NHSL1: variants seen among roughly 807,000 people sequenced by gnomAD.
NHSL1 encodes NHS-like protein 1.
A neutral mutation model predicts 95.0 loss-of-function variants in NHSL1; 48 were observed. The observed-to-expected ratio is 0.51, with a 90% CI of 0.40 to 0.64. NHSL1 has a LOEUF of 0.64. Ranked by LOEUF, NHSL1 falls within the 30% of genes least tolerant of loss-of-function variation. The pLI is 0.00. For synonymous variants in NHSL1, 783 were observed against 833.9 expected (o/e 0.94, Z 1.05); for missense variants, 1,971 against 2,077.7 (o/e 0.95, Z 1.00).
chr6:138,556,420 A>G (rs368773881), intron 1 of NHSL1, among the ~76,000 whole-genome samples: 25 of 152,216 alleles, frequency 1.6e-4, no homozygotes, highest in African/African-American at 5.1e-4. Context: ...GTCATTGTAG[A>G]AAAATAACTA....
chr6:138,509,856 A>T (rs1781137808), intron 1 of NHSL1, among the ~76,000 whole-genome samples: 1 of 152,200 alleles, frequency 6.6e-6, no homozygotes, highest in Non-Finnish European at 1.5e-5. Context: ...TATACAAAAC[A>T]TTTCTAAATC....
chr6:138,644,732 C>A (rs1784995444), intron 1 of NHSL1, among the ~76,000 whole-genome samples: 1 of 151,790 alleles, frequency 6.6e-6, no homozygotes, highest in African/African-American at 2.4e-5. Flanking sequence ...ATGAAGGAGA[C>A]AAACGATAAA....
At chr6:138,669,211 C>T (rs2114754851) in intron 1 of NHSL1, among the ~76,000 whole-genome samples, 1 of 152,190 alleles carries the variant, frequency 6.6e-6, no homozygotes, top group East Asian at 1.9e-4. Context: ...GCGAACTGAA[C>T]ACAGATGTCA....
At chr6:138,578,110 C>T (rs1783998569) in intron 1 of NHSL1, among the ~76,000 whole-genome samples, 1 of 152,188 alleles carries the variant, frequency 6.6e-6, no homozygotes, top group Admixed American at 6.5e-5. Flanking sequence ...TAAACCCTGG[C>T]TTTAAAAGCC....
chr6:138,542,009 C>T (rs974883080), intron 1 of NHSL1, among the ~76,000 whole-genome samples: 1 of 152,196 alleles, frequency 6.6e-6, no homozygotes, highest in African/African-American at 2.4e-5. Flanking sequence ...TGTCCGCTCA[C>T]AACCCTGGAA....
intron 3 of NHSL1, among the ~76,000 whole-genome samples, chr6:138,469,665 C>T (rs1415995862): frequency 6.6e-6 from 1 of 152,176 alleles, no homozygotes; most frequent in Non-Finnish European, 1.5e-5. Context: ...GTTGAGGCTA[C>T]AGTGAACCGT....
At chr6:138,425,922 G>A (rs1323511093) in intron 7 of NHSL1, among the ~76,000 whole-genome samples, 4 of 151,166 alleles carry the variant, frequency 2.6e-5, no homozygotes, top group Non-Finnish European at 4.4e-5. Flanking sequence ...AAGAAAATGT[G>A]AGGGGTGGGG....
intron 2 of NHSL1, among the ~76,000 whole-genome samples, chr6:138,484,222 G>C (rs942227698): frequency 1.2e-4 from 19 of 152,302 alleles, no homozygotes; most frequent in African/African-American, 4.1e-4. Context: ...AGACAGAACA[G>C]ATGCCACAGG....
intron 1 of NHSL1, among the ~76,000 whole-genome samples, chr6:138,523,627 G>GAAAAAAAAA (rs67335375): frequency 6.6e-4 from 43 of 64,924 alleles, no homozygotes; most frequent in East Asian, 1.1e-3. Context: ...TTTTAAAGAG[G>GAAAAAAAAA]AAAAAAAAAA....
intron 3 of NHSL1, among the ~76,000 whole-genome samples, chr6:138,470,841 A>C (rs1778703790): frequency 6.6e-6 from 1 of 151,980 alleles, no homozygotes; most frequent in Non-Finnish European, 1.5e-5. Flanking sequence ...TCCCAAGGAG[A>C]CCTGTCAAGG....
At chr6:138,549,687 C>T (rs954424695), upstream of NHSL1, among the ~76,000 whole-genome samples, 4 of 152,160 alleles carry the variant, frequency 2.6e-5, no homozygotes, top group Non-Finnish European at 4.4e-5. Flanking sequence ...GTAATAATTA[C>T]GTGAGATGGG....
chr6:138,639,774 G>T lies in NHSL1; in HGVS notation c.96+52702C>A, dbSNP rs867945630. Among the ~76,000 whole-genome samples the T allele has an allele frequency of 2.2e-5, 3 of 138,118 alleles. No homozygotes were observed. The Middle Eastern group carries it at 0.012, about 561-fold the overall frequency. The allele number at this position is 138,118 out of a possible 152,430, so 90.6% of individuals were successfully genotyped here. A position where few individuals can be genotyped will look rare whatever the true frequency, so the allele number is the denominator to read the frequency against. On this transcript the variant is annotated intron_variant, in intron 1 of 3. Coordinates refer to the NHSL1 transcript ENST00000491526. The stretch of plus-strand genomic sequence containing the variant: ...TGAGCCAAGGTCGCACCTCTAGCCA[G>T]GGGACAGAGTGAGACTCAGTCTCAA...
intron 1 of NHSL1, among the ~76,000 whole-genome samples, chr6:138,662,089 CAAT>C (rs764336808): frequency 3.0e-4 from 45 of 149,462 alleles, no homozygotes; most frequent in Non-Finnish European, 3.0e-5. Flanking sequence ...ATAGTAATAA[CAAT>C]AATAATAATT....
Position 138,516,284 on chromosome 6 carries a change from C to G in NHSL1, c.17-19913G>C, listed in dbSNP as rs116795521. Among the ~76,000 whole-genome samples, 6 of 152,086 alleles carry G rather than the reference C, an allele frequency of 3.9e-5. No individual in the cohort carries two copies. The South Asian group carries it at 8.3e-4, about 21-fold the overall frequency. On this transcript the variant is annotated intron_variant, in intron 1 of 4. Coordinates refer to the NHSL1 transcript ENST00000342260. ...AAAACCTGGGTGCCAGCTTTGACTG[C>G]GGCAGAGATAACAGCTCCTTTGGCC...
intron 1 of NHSL1, among the ~76,000 whole-genome samples, chr6:138,685,064 T>G (rs1315046303): frequency 6.6e-6 from 1 of 152,244 alleles, no homozygotes; most frequent in Non-Finnish European, 1.5e-5. Flanking sequence ...TAGTTTTGTT[T>G]CTGAATTTTC....
intron 1 of NHSL1, among the ~76,000 whole-genome samples, chr6:138,541,121 A>T (rs978534398): frequency 6.6e-6 from 1 of 152,160 alleles, no homozygotes; most frequent in African/African-American, 2.4e-5. Flanking sequence ...TGATCCCAAC[A>T]CTTTGGGAGG....
At chr6:138,462,819 T>C (rs993416078) in intron 3 of NHSL1, among the ~76,000 whole-genome samples, 1 of 152,108 alleles carries the variant, frequency 6.6e-6, no homozygotes, top group African/African-American at 2.4e-5. Flanking sequence ...TGGATCAAAC[T>C]GGAGTTGGGT....
intron 1 of NHSL1, among the ~76,000 whole-genome samples, chr6:138,511,105 T>G (rs113879924): frequency 2.7e-4 from 41 of 152,324 alleles, no homozygotes; most frequent in African/African-American, 7.5e-4. Flanking sequence ...TGGCACTGAC[T>G]TTGTAAAAAT....
At chr6:138,507,660 AAC>A (rs1361003887) in intron 1 of NHSL1, among the ~76,000 whole-genome samples, 2 of 152,254 alleles carry the variant, frequency 1.3e-5, no homozygotes, top group African/African-American at 4.8e-5. Context: ...GGAATCTGAT[AAC>A]AGATACTCAT....
Sources: allele counts gnomAD v4.1 joint callset (sites outside exome capture counted in the v4.1 genomes callset), GRCh38; gene constraint gnomAD v4.1.1; transcripts MANE v1.5; gene names NCBI Gene and HGNC (gene_info 2026-07-23, HGNC 2026-07-21).